The following MCF2L2 variants were observed in gnomAD, a reference collection of about 807,000 sequenced individuals.
MCF2L2 encodes MCF.2 cell line derived transforming sequence-like 2.
In MCF2L2, 102 loss-of-function variants were observed where a neutral mutation model predicts 150.2. The observed-to-expected ratio is 0.68, with a 90% CI of 0.58 to 0.80. The LOEUF (loss-of-function observed/expected upper bound fraction) is 0.80. MCF2L2 is among the 30% of genes least tolerant of loss of function. The pLI is 0.00. For synonymous variants in MCF2L2, 465 were observed against 491.3 expected (o/e 0.95, Z 0.71); for missense variants, 1,256 against 1,372.8 (o/e 0.91, Z 1.34).
intron 25 of MCF2L2, among the ~76,000 whole-genome samples, chr3:183,202,182 A>T (rs1190357934): frequency 6.6e-6 from 1 of 152,170 alleles, no homozygotes; most frequent in Non-Finnish European, 1.5e-5. Flanking sequence ...GGAATACCTG[A>T]CCTGCAAGTC....
intron 1 of MCF2L2, among the ~76,000 whole-genome samples, chr3:183,407,994 G>T (rs1352313255): frequency 1.3e-5 from 2 of 152,130 alleles, no homozygotes; most frequent in Non-Finnish European, 2.9e-5. Context: ...AAACCCTGAG[G>T]GCTAGGGTGG....
At chr3:183,232,087 G>A (rs1347892590) in intron 15 of MCF2L2, among the ~76,000 whole-genome samples, 1 of 152,122 alleles carries the variant, frequency 6.6e-6, no homozygotes, top group Non-Finnish European at 1.5e-5. Flanking sequence ...TGGGTCAAGT[G>A]GTCAGAGACT....
intron 17 of MCF2L2, 147 bp downstream of exon 17, chr3:183,229,519 C>G: frequency 2.1e-6 from 1 of 467,816 alleles, no homozygotes; most frequent in Non-Finnish European, 3.8e-6. Flanking sequence ...TCCTTTCACT[C>G]CAACCCACCC....
intron 22 of MCF2L2, 130 bp downstream of exon 22, chr3:183,215,839 A>G (rs1215556145): frequency 2.7e-6 from 3 of 1,109,220 alleles, no homozygotes; most frequent in African/African-American, 1.6e-5. Context: ...TGAGCAATTT[A>G]GGCGACTGTC....
chr3:183,295,196 CT>C, intron 13 of MCF2L2, 103 bp downstream of exon 13: 1 of 1,188,204 alleles, frequency 8.4e-7, no homozygotes, highest in South Asian at 1.5e-5. Context: ...TAAATAGTAT[CT>C]GTTAAAACAG....
rs745499133 is a variant in MCF2L2 at position 183,295,320 on chromosome 3, GT to G, written c.1654del (p.Thr552ProfsTer10). ...CCTACCCGAGGTGGAGGGCTGGCTG[GT>G]TTTTGATGACACCCATTTTGGTGAA... ...ESSPKWVSSK[T>X]SQPSTSVPLA... On this transcript the variant is annotated frameshift_variant, in exon 13 of 30. Transcript: ENST00000328913. LOFTEE classifies it high-confidence loss of function. The G allele has an allele frequency of 6.2e-7, 1 of 1,609,688 alleles. No individual in the cohort carries two copies. The highest frequency in any genetic ancestry group is 8.5e-7 in the Non-Finnish European group (1 of 1,178,136).
rs79968140 is a variant in MCF2L2 at position 183,417,067 on chromosome 3, G to A, written c.76+10835C>T. 7.4e-3 allele frequency among the ~76,000 whole-genome samples: 967 copies of A among 131,512 alleles called. 3 individuals carry two copies. Among genetic ancestry groups the A allele is most frequent in the African/African-American group, 0.012 (396 of 33,994 alleles). The allele number at this position is 131,512 out of a possible 152,430, so 86.3% of individuals were successfully genotyped here. The stretch of plus-strand genomic sequence containing the variant: ...TCAAAGGTTGCAGTGAGCCAAGATC[G>A]TGCCACACCACTACACTCCAGCCTG... On this transcript the variant is annotated intron_variant, in intron 1 of 29. Transcript: ENST00000328913.
chr3:183,341,712 A>C (rs1730703997), intron 3 of MCF2L2, 82 bp from the exon 4 acceptor site: 1 of 904,972 alleles, frequency 1.1e-6, no homozygotes, highest in Non-Finnish European at 1.9e-6. Context: ...TACACCCTGA[A>C]GCCTCCACAG....
intron 2 of MCF2L2, among the ~76,000 whole-genome samples, chr3:183,389,129 G>A (rs950119271): frequency 1.3e-5 from 2 of 152,158 alleles, no homozygotes; most frequent in Admixed American, 1.3e-4. Flanking sequence ...TTGGCTGAGC[G>A]AATAAGAAAG....
intron 3 of MCF2L2, among the ~76,000 whole-genome samples, chr3:183,344,148 A>C (rs943858848): frequency 1.3e-5 from 2 of 149,612 alleles, no homozygotes; most frequent in Admixed American, 6.7e-5. Flanking sequence ...CACCCCCCCC[A>C]AAAAAAGTAC....
rs774377980 is a variant in MCF2L2, at chr3:183,389,782, GC to G, written c.77-4del. The G allele has an allele frequency of 3.1e-6, 5 of 1,611,504 alleles. No homozygotes were observed. The African/African-American group carries it at 6.7e-5, about 21-fold the overall frequency. On this transcript the variant is annotated splice_region_variant and splice_polypyrimidine_tract_variant and intron_variant, in intron 1 of 29. Coordinates refer to ENST00000328913, the MANE Select transcript of MCF2L2 (RefSeq NM_015078.4). The stretch of plus-strand genomic sequence containing the variant: ...GACTTCCTGCTGCATAATTTCATCT[GC>G]ACAAATGAAATACAAAGTGGGTTAG...
intron 3 of MCF2L2, among the ~76,000 whole-genome samples, chr3:183,353,459 T>C (rs951062493): frequency 6.6e-6 from 1 of 152,204 alleles, no homozygotes; most frequent in African/African-American, 2.4e-5. Context: ...GGGTAATTTA[T>C]TTTTTAAAAA....
chr3:183,191,950 C>T (rs1442411606), intron 27 of MCF2L2, among the ~76,000 whole-genome samples: 2 of 150,900 alleles, frequency 1.3e-5, no homozygotes, highest in Non-Finnish European at 2.9e-5. Context: ...ACGCCATTCT[C>T]CTGCCTCAGC....
rs756871836 is a variant in MCF2L2, at chr3:183,223,377, T to C, written c.2270A>G (p.Gln757Arg). 6.2e-7 allele frequency: 1 copy of C among 1,614,204 alleles called. No homozygotes were observed. Among genetic ancestry groups the C allele is most frequent in the Non-Finnish European group, 8.5e-7 (1 of 1,179,984 alleles). ...PLFKYLKGPS[Q>R]RLIKYQMLLK... ...CAGCATCTGGTATTTTATAAGTCTC[T>C]GGCTTGGTCCTTTGAGATACTTAAA... The change falls in exon 20 of 30, where the codon CAG becomes CGG. Residue 757 changes from glutamine to arginine, a missense_variant. Gln to Arg is a conservative substitution (Grantham distance 43). Coordinates refer to ENST00000328913, the MANE Select transcript of MCF2L2 (RefSeq NM_015078.4).
At chr3:183,299,815 C>G (rs562686015) in intron 11 of MCF2L2, 190 bp downstream of exon 11, 2 of 581,700 alleles carry the variant, frequency 3.4e-6, no homozygotes, top group Admixed American at 3.7e-5. Flanking sequence ...GGCCAGAGCA[C>G]TTTTTACCTT....
At chr3:183,366,368 C>T (rs905056234) in intron 3 of MCF2L2, among the ~76,000 whole-genome samples, 6 of 152,244 alleles carry the variant, frequency 3.9e-5, no homozygotes, top group East Asian at 1.9e-4. Context: ...CGGCTGGGCG[C>T]GGTGGCTCAT....
chr3:183,386,852 T>C (rs1426895127), intron 2 of MCF2L2, among the ~76,000 whole-genome samples: 2 of 152,226 alleles, frequency 1.3e-5, no homozygotes, highest in Non-Finnish European at 1.5e-5. Context: ...AGCAGGCCTC[T>C]GATTCCAAAC....
In MCF2L2 at chr3:183,311,866, T is replaced by G. The variant is rs563480673; in HGVS notation, c.754-94A>C. The stretch of plus-strand genomic sequence containing the variant: ...AGAGAATAGTAGATCAGTACATTTT[T>G]CATTTAGGAAATTAAATGCTGATGA... On this transcript the variant is annotated intron_variant, in intron 7 of 29. Transcript: ENST00000328913. The G allele has an allele frequency of 2.8e-4, 326 of 1,148,938 alleles. 3 individuals are homozygous for G. The South Asian group carries it at 5.1e-3, about 18-fold the overall frequency. The allele number at this position is 1,148,938 out of a possible 1,614,324, so 71.2% of individuals were successfully genotyped here. A position where few individuals can be genotyped will look rare whatever the true frequency, so the allele number is the denominator to read the frequency against.
At chr3:183,314,493 C>T (rs145789381) in intron 7 of MCF2L2, among the ~76,000 whole-genome samples, 15 of 152,200 alleles carry the variant, frequency 9.9e-5, no homozygotes, top group African/African-American at 3.6e-4. Context: ...AAAACCTCTC[C>T]AACTCAATGG....
Sources: allele counts gnomAD v4.1 joint callset (sites outside exome capture counted in the v4.1 genomes callset), GRCh38; gene constraint gnomAD v4.1.1; transcripts MANE v1.5; gene names NCBI Gene and HGNC (gene_info 2026-07-23, HGNC 2026-07-21).